CDH4: variants seen among roughly 807,000 people sequenced by gnomAD.
CDH4 encodes the protein cadherin-4.
Under a neutral mutation model 86.0 loss-of-function variants are expected in CDH4, and 33 were observed. That is an observed-to-expected ratio of 0.38 (90% confidence interval 0.29 to 0.51). The LOEUF (loss-of-function observed/expected upper bound fraction) is 0.51, where lower values mean the gene tolerates loss of function less well. Ranked by LOEUF, CDH4 falls within the 20% of genes least tolerant of loss-of-function variation. CDH4 has a pLI of 0.86. For synonymous variants in CDH4, 555 were observed against 549.4 expected (o/e 1.01, Z -0.14); for missense variants, 1,114 against 1,307.4 (o/e 0.85, Z 2.28).
chr20:61,280,994 G>T (rs560449651), intron 2 of CDH4, among the ~76,000 whole-genome samples: 133 of 152,278 alleles, frequency 8.7e-4, no homozygotes, highest in South Asian at 6.2e-3. Flanking sequence ...TTTCCAGGGT[G>T]ACTAAATGTT....
At chr20:61,585,238 C>G (rs1463655360) in intron 2 of CDH4, among the ~76,000 whole-genome samples, 5 of 152,232 alleles carry the variant, frequency 3.3e-5, no homozygotes, top group African/African-American at 1.2e-4. Flanking sequence ...TGCAGAGCAG[C>G]AAGGCTCACT....
intron 2 of CDH4, among the ~76,000 whole-genome samples, chr20:61,645,227 G>A (rs1187558116): frequency 6.6e-6 from 1 of 152,210 alleles, no homozygotes; most frequent in East Asian, 1.9e-4. Flanking sequence ...TTGGAACAGT[G>A]GATAAGAGAC....
intron 2 of CDH4, among the ~76,000 whole-genome samples, chr20:61,571,500 C>T (rs1278462409): frequency 6.6e-6 from 1 of 152,246 alleles, no homozygotes; most frequent in Admixed American, 6.5e-5. Flanking sequence ...GGCAGGTGCC[C>T]CACTTTACAG....
intron 3 of CDH4, among the ~76,000 whole-genome samples, chr20:61,757,870 C>A (rs1400684042): frequency 6.6e-6 from 1 of 152,176 alleles, no homozygotes; most frequent in East Asian, 1.9e-4. Context: ...TGAGTGGTAG[C>A]CATGCCTCTG....
chr20:61,867,562 AG>A (rs1224086498), intron 6 of CDH4, among the ~76,000 whole-genome samples: 215 of 5,990 alleles, frequency 0.036, 1 homozygote, highest in South Asian at 0.2. Context: ...AAAAAAAAAA[AG>A]AGAGAGAGAG....
chr20:61,585,467 T>C (rs1054850747), intron 2 of CDH4, among the ~76,000 whole-genome samples: 1 of 152,254 alleles, frequency 6.6e-6, no homozygotes, highest in African/African-American at 2.4e-5. Flanking sequence ...AAAATGCCTA[T>C]TATTTTGTGC....
intron 2 of CDH4, among the ~76,000 whole-genome samples, chr20:61,716,709 G>T (rs1200714156): frequency 2.0e-5 from 3 of 152,166 alleles, no homozygotes; most frequent in African/African-American, 7.2e-5. Context: ...AGGAGTTTGA[G>T]ACCAGCCTGG....
intron 2 of CDH4, chr20:61,370,743 CT>C (rs1234429718): frequency 2.0e-5 from 3 of 152,192 alleles, no homozygotes; most frequent in Non-Finnish European, 4.4e-5. Context: ...TTTTTCTCCC[CT>C]GTCACTTGGA....
At chr20:61,756,723 G>T (rs1194365976) in intron 3 of CDH4, among the ~76,000 whole-genome samples, 3 of 152,064 alleles carry the variant, frequency 2.0e-5, no homozygotes, top group Non-Finnish European at 4.4e-5. Context: ...GTTCCCCAGG[G>T]CTGGCTGGCC....
At chr20:61,935,480 A>T (rs1221802587) in intron 15 of CDH4, among the ~76,000 whole-genome samples, 1 of 152,222 alleles carries the variant, frequency 6.6e-6, no homozygotes, top group African/African-American at 2.4e-5. Context: ...TTTGTTAGCC[A>T]GGCGCGGTGG....
At chr20:61,347,797 G>T (rs1365930006) in intron 2 of CDH4, among the ~76,000 whole-genome samples, 1 of 152,212 alleles carries the variant, frequency 6.6e-6, no homozygotes, top group Non-Finnish European at 1.5e-5. Flanking sequence ...CGGGACATTG[G>T]TCTCTTCAAC....
At chr20:61,379,846 CA>C (rs1413294908) in intron 2 of CDH4, among the ~76,000 whole-genome samples, 2 of 152,076 alleles carry the variant, frequency 1.3e-5, no homozygotes, top group Admixed American at 6.6e-5. Flanking sequence ...GGATATTAAA[CA>C]AAAATAAAAA....
intron 2 of CDH4, among the ~76,000 whole-genome samples, chr20:61,422,416 C>T (rs527764382): frequency 0.01 from 642 of 62,512 alleles, 3 homozygotes; most frequent in Admixed American, 0.019. Context: ...AAGAGCAAAA[C>T]TCCGTCTCAA....
chr20:61,462,070 G>A (rs1262885974), intron 2 of CDH4, among the ~76,000 whole-genome samples: 1 of 152,190 alleles, frequency 6.6e-6, no homozygotes, highest in Non-Finnish European at 1.5e-5. Context: ...TGTCAAGGGT[G>A]GATGGTAGCT....
In CDH4 at chr20:61,582,904, A is replaced by G. The variant is rs1257799103; in HGVS notation, c.170-160659A>G. The stretch of plus-strand genomic sequence containing the variant: ...GAATGTTTTCATCGCCTCACAAAGA[A>G]ACTCCACACCCTTGGCTGTCCGCCT... On this transcript the variant is annotated intron_variant, in intron 2 of 15. Transcript: ENST00000614565. The surrounding 1 kb of genome is among the most constrained non-coding windows in gnomAD (Gnocchi z 4.2). Among the ~76,000 whole-genome samples the G allele has an allele frequency of 1.3e-5, 2 of 152,032 alleles. No homozygotes were observed. Among genetic ancestry groups the G allele is most frequent in the African/African-American group, 4.8e-5 (2 of 41,386 alleles).
At chr20:61,403,248 A>G (rs1325580612) in intron 2 of CDH4, among the ~76,000 whole-genome samples, 1 of 152,230 alleles carries the variant, frequency 6.6e-6, no homozygotes, top group Non-Finnish European at 1.5e-5. Flanking sequence ...CCTCTTTGCT[A>G]CTATCATCCT....
chr20:61,442,940 C>T (rs1021433462), intron 2 of CDH4, among the ~76,000 whole-genome samples: 1 of 152,144 alleles, frequency 6.6e-6, no homozygotes, highest in Non-Finnish European at 1.5e-5. Context: ...GTGTCCCTGG[C>T]CGCCACCCTT....
intron 2 of CDH4, chr20:61,570,575 C>T (rs2086334306): frequency 2.9e-6 from 2 of 682,054 alleles, no homozygotes; most frequent in Non-Finnish European, 2.7e-6. Flanking sequence ...TTGTGGCTTC[C>T]TTTACCCCAT....
chr20:61,445,291 G>A (rs1892309), intron 2 of CDH4, among the ~76,000 whole-genome samples: 95,058 of 152,064 alleles, frequency 0.63, 30,560 homozygotes, highest in African/African-American at 0.78. Flanking sequence ...GCAGGGCCCC[G>A]GCCATCCCCA....
Sources: gnomAD v4.1 joint callset for allele counts (sites outside exome capture counted in the v4.1 genomes callset) on GRCh38, gnomAD v4.1.1 for gene constraint, Gnocchi (gnomAD v3.1) non-coding constraint, MANE v1.5 for transcripts, NCBI Gene and HGNC (gene_info 2026-07-23, HGNC 2026-07-21) for gene names.